STEAP3: variants seen among roughly 807,000 people sequenced by gnomAD.
The protein encoded by STEAP3 is STEAP3 metalloreductase, also known as metalloreductase STEAP3.
STEAP3 carries 35 observed loss-of-function variants against 34.9 expected under a neutral mutation model. The ratio of observed to expected loss-of-function variants is 1.00; its 90% CI spans 0.76 to 1.33. The LOEUF (loss-of-function observed/expected upper bound fraction) is 1.33. Ranked by LOEUF, STEAP3 falls within the 40% of genes most tolerant of loss-of-function variation. STEAP3 has a pLI of 0.00. For synonymous variants in STEAP3, 281 were observed against 301.6 expected (o/e 0.93, Z 0.71); for missense variants, 652 against 667.6 (o/e 0.98, Z 0.26).
intron 2 of STEAP3, 89 bp from the exon 3 acceptor site, chr2:119,245,400 C>T (rs901094412): frequency 2.4e-5 from 36 of 1,502,646 alleles, no homozygotes; most frequent in Non-Finnish European, 2.9e-5. Flanking sequence ...GTCTGACTGC[C>T]GTGTAGTTAC....
At chr2:119,230,534 C>T (rs1477327599) in intron 1 of STEAP3, 86 bp from the exon 2 acceptor site, 2 of 163,376 alleles carry the variant, frequency 1.2e-5, no homozygotes, top group African/African-American at 4.8e-5. Flanking sequence ...CCACTTTCTG[C>T]AGCCATTATG....
At chr2:119,249,759 C>T (rs1156668069) in intron 4 of STEAP3, among the ~76,000 whole-genome samples, 1 of 152,204 alleles carries the variant, frequency 6.6e-6, no homozygotes, top group African/African-American at 2.4e-5. Context: ...CTCGACTGCC[C>T]TCGTCCTTTG....
Position 119,263,189 on chromosome 2 carries a change from T to G in STEAP3, c.1348T>G (p.Cys450Gly), listed in dbSNP as rs910924823. 1 of 1,614,172 alleles carries G rather than the reference T, an allele frequency of 6.2e-7. No individual in the cohort carries two copies. The highest frequency in any genetic ancestry group is 1.6e-4 in the Middle Eastern group (1 of 6,062). The change falls in exon 6 of 6, where the codon TGC becomes GGC. Residue 450 changes from cysteine (C) to glycine (G), a missense_variant. Physicochemically the swap from Cys to Gly is radical, Grantham distance 159. Coordinates refer to ENST00000393110, the MANE Select transcript of STEAP3 (RefSeq NM_182915.3). ...CTTCACGCTCACGCTGCTGGTGCCC[T>G]GCGTCGTCATCCTGGCCAAAGCCCT... ...PTFTLTLLVPCVVILAKALFL... is the reference protein window; with the variant it reads ...PTFTLTLLVPGVVILAKALFL...
intron 1 of STEAP3, among the ~76,000 whole-genome samples, chr2:119,226,018 C>T (rs1415729003): frequency 6.6e-6 from 1 of 152,260 alleles, no homozygotes; most frequent in Non-Finnish European, 1.5e-5. Context: ...GAACCACTAG[C>T]TTTCCTAGAG....
chr2:119,264,139 C>T lies in STEAP3; in HGVS notation c.*801C>T, dbSNP rs532510686. 6.5e-6 allele frequency: 1 copy of T among 153,328 alleles called. No individual in the cohort carries two copies. Among genetic ancestry groups the T allele is most frequent in the Admixed American group, 6.5e-5 (1 of 15,352 alleles). 9.5% of individuals were successfully genotyped at this position (153,328 alleles called of 1,614,324 possible). ...TTGGGAACAAGTGTAATTTCCTTCC[C>T]TCCTTTAACCTGGCGATGAGCGTCC... is the stretch of plus-strand genomic sequence containing the variant. On this transcript the variant is annotated 3_prime_UTR_variant, in exon 6 of 6. Coordinates refer to ENST00000393110, the MANE Select transcript of STEAP3 (RefSeq NM_182915.3).
chr2:119,241,696 G>T (rs570903952), intron 2 of STEAP3, among the ~76,000 whole-genome samples: 11 of 152,244 alleles, frequency 7.2e-5, no homozygotes, highest in African/African-American at 2.4e-4. Context: ...AGCTCCCCTC[G>T]GCTGCAGCGG....
chr2:119,245,188 C>A, intron 2 of STEAP3: 1 of 402,072 alleles, frequency 2.5e-6, no homozygotes, highest in Non-Finnish European at 4.5e-6. Flanking sequence ...ATGGAAATTC[C>A]AGAGTTCCCT....
intron 5 of STEAP3, among the ~76,000 whole-genome samples, chr2:119,261,575 G>T (rs1221183331): frequency 3.3e-5 from 5 of 152,078 alleles, no homozygotes. Flanking sequence ...CTGTCTAGGG[G>T]ACTAGATGGA....
intron 2 of STEAP3, among the ~76,000 whole-genome samples, chr2:119,238,853 T>C (rs1573548166): frequency 6.6e-6 from 1 of 152,124 alleles, no homozygotes; most frequent in Non-Finnish European, 1.5e-5. Flanking sequence ...GCTCCAGTGG[T>C]GTGTGCAGTC....
Position 119,230,969 on chromosome 2 carries a change from G to T in STEAP3, c.-44G>T, listed in dbSNP as rs753551000. Reference sequence around the variant, plus strand: ...GAAAGGGTGGCTCACCTCACGGTGAGGCTGTCGAGTGACCTGAGAGCCTCA... The same window carrying T: ...GAAAGGGTGGCTCACCTCACGGTGATGCTGTCGAGTGACCTGAGAGCCTCA... On this transcript the variant is annotated 5_prime_UTR_variant, in exon 2 of 6. In the 5' UTR this introduces an upstream ATG that the reference lacks. Transcript: ENST00000393110. 1 of 1,614,130 alleles carries T rather than the reference G, an allele frequency of 6.2e-7. No homozygotes were observed. The highest frequency in any genetic ancestry group is 1.3e-5 in the African/African-American group (1 of 75,068).
In STEAP3 at chr2:119,245,809, C is replaced by A. The variant is rs1359152783; in HGVS notation, c.343C>A (p.Gln115Lys). Residue 115 changes from glutamine (Q) to lysine (K), a missense_variant, in exon 3 of 6, where the codon CAG becomes AAG. Coordinates refer to ENST00000393110, the MANE Select transcript of STEAP3 (RefSeq NM_182915.3). The part of the protein sequence containing the change: ...HYSSLCSLSD[Q>K]LAGKILVDVS... Reference sequence around the variant, plus strand: ...CTCTTCACTGTGCAGTCTCAGTGACCAGCTGGCGGGCAAGATCCTGGTGGA... The same window carrying A: ...CTCTTCACTGTGCAGTCTCAGTGACAAGCTGGCGGGCAAGATCCTGGTGGA... The A allele has an allele frequency of 1.2e-6, 2 of 1,614,190 alleles. No individual in the cohort carries two copies. Among genetic ancestry groups the A allele is most frequent in the Non-Finnish European group, 1.7e-6 (2 of 1,180,044 alleles).
At chr2:119,262,456 C>T (rs112921483) in intron 5 of STEAP3, among the ~76,000 whole-genome samples, 3,060 of 152,216 alleles carry the variant, frequency 0.02, 43 homozygotes, top group Middle Eastern at 0.085. Context: ...CTCACTGCAA[C>T]CTTGACCTCT....
rs534138154 is a variant in STEAP3 at position 119,264,966 on chromosome 2, A to G, written c.*1628A>G. On this transcript the variant is annotated 3_prime_UTR_variant, in exon 6 of 6. Transcript: ENST00000393110. ...GAAGCTCTTCCTGCAGGTATTTTCC[A>G]TCTGCTGTGCCAAGGCTGAGCGGCA... 1.3e-5 allele frequency: 2 copies of G among 152,242 alleles called. No individual in the cohort carries two copies. The highest frequency in any genetic ancestry group is 2.9e-5 in the Non-Finnish European group (2 of 68,064). The allele number at this position is 152,242 out of a possible 1,614,324, so 9.4% of individuals were successfully genotyped here. A position where few individuals can be genotyped will look rare whatever the true frequency, so the allele number is the denominator to read the frequency against.
intron 1 of STEAP3, among the ~76,000 whole-genome samples, chr2:119,226,026 G>A (rs1679029723): frequency 6.6e-6 from 1 of 152,246 alleles, no homozygotes; most frequent in South Asian, 2.1e-4. Flanking sequence ...AGCTTTCCTA[G>A]AGAAGGCAAC....
intron 2 of STEAP3, chr2:119,244,330 G>C (rs1677342161): frequency 6.8e-6 from 1 of 146,496 alleles, no homozygotes; most frequent in Non-Finnish European, 1.5e-5. Flanking sequence ...TTCAACTCCT[G>C]GGCTCAAGCG....
chr2:119,256,308 G>A (rs973653518), intron 5 of STEAP3, among the ~76,000 whole-genome samples: 1 of 152,182 alleles, frequency 6.6e-6, no homozygotes, highest in Non-Finnish European at 1.5e-5. Context: ...CCCTGGAGGA[G>A]GGCTCATGGC....
At chr2:119,256,427 G>C (rs12104548) in intron 5 of STEAP3, among the ~76,000 whole-genome samples, 1 of 152,098 alleles carries the variant, frequency 6.6e-6, no homozygotes, top group East Asian at 1.9e-4. Flanking sequence ...TGGAGTATCC[G>C]GCGTGCATGG....
intron 2 of STEAP3, among the ~76,000 whole-genome samples, chr2:119,235,070 G>A (rs375577865): frequency 6.6e-6 from 1 of 152,332 alleles, no homozygotes; most frequent in African/African-American, 2.4e-5. Flanking sequence ...CTCCCAGTCA[G>A]GGTGTTAGGG....
At chr2:119,251,687 A>G (rs2104833633) in intron 4 of STEAP3, among the ~76,000 whole-genome samples, 1 of 152,082 alleles carries the variant, frequency 6.6e-6, no homozygotes, top group South Asian at 2.1e-4. Flanking sequence ...AACCCTCACT[A>G]TGCAGCTAGA....
Sources: gnomAD v4.1 joint callset for allele counts (sites outside exome capture counted in the v4.1 genomes callset) on GRCh38, gnomAD v4.1.1 for gene constraint, MANE v1.5 for transcripts, NCBI Gene and HGNC (gene_info 2026-07-23, HGNC 2026-07-21) for gene names.